Variants in ENDOU observed in about 807,000 individuals in gnomAD.
ENDOU encodes the protein endonuclease, poly(U) specific, also known as uridylate-specific endoribonuclease.
ENDOU carries 49 observed loss-of-function variants against 54.2 expected under a neutral mutation model. The ratio of observed to expected loss-of-function variants is 0.90; its 90% confidence interval spans 0.72 to 1.15. The LOEUF is 1.15. Among genes scored for constraint, ENDOU ranks in the 50% most tolerant of loss-of-function variants. The pLI, the probability that ENDOU is intolerant of heterozygous loss-of-function variation, is 0.00. For missense variants in ENDOU, 458 were observed against 511.4 expected (o/e 0.90, Z 1.01); for synonymous variants, 172 against 190.5 (o/e 0.90, Z 0.80).
chr12:47,721,996 G>A (rs1940448692), intron 1 of ENDOU, among the ~76,000 whole-genome samples: 1 of 152,172 alleles, frequency 6.6e-6, no homozygotes, highest in South Asian at 2.1e-4. Flanking sequence ...GTTAGGATTT[G>A]GGCTTGAGTT....
intron 2 of ENDOU, chr12:47,719,151 G>A (rs1279099150): frequency 6.6e-6 from 1 of 152,106 alleles, no homozygotes; most frequent in Non-Finnish European, 1.5e-5. Context: ...CTATAGGAAA[G>A]GGGTTCTGAG....
chr12:47,724,104 A>C (rs1334726557), intron 1 of ENDOU, among the ~76,000 whole-genome samples: 1 of 152,120 alleles, frequency 6.6e-6, no homozygotes, highest in African/African-American at 2.4e-5. Flanking sequence ...AGCCACTGCT[A>C]CCTCTGCCCC....
intron 1 of ENDOU, among the ~76,000 whole-genome samples, chr12:47,723,527 T>G (rs1940499316): frequency 6.6e-6 from 1 of 152,160 alleles, no homozygotes; most frequent in African/African-American, 2.4e-5. Context: ...ACTCTCTGCC[T>G]TTCTTCATCT....
chr12:47,710,449 C>T lies in ENDOU; in HGVS notation c.*353G>A, dbSNP rs1939944964. ...AAGAGGAAAGTGGGCAAACCCCTTC[C>T]CTTTACATTAAAGGGAAGCATGAGG... On this transcript the variant is annotated 3_prime_UTR_variant, in exon 10 of 10. Coordinates refer to ENST00000422538, the MANE Select transcript of ENDOU (RefSeq NM_001172439.2). 1 of 164,632 alleles carries T rather than the reference C, an allele frequency of 6.1e-6. No homozygotes were observed. Among genetic ancestry groups the T allele is most frequent in the Non-Finnish European group, 1.3e-5 (1 of 76,324 alleles). The allele number at this position is 164,632 out of a possible 1,614,324, so 10.2% of individuals were successfully genotyped here.
At chr12:47,716,639 G>A in intron 5 of ENDOU, 140 bp from the exon 6 acceptor site, 1 of 766,376 alleles carries the variant, frequency 1.3e-6, no homozygotes, top group Non-Finnish European at 2.1e-6. Flanking sequence ...ACTCTTGAAA[G>A]TCACACATCA....
chr12:47,714,511 A>G (rs1257355719), intron 6 of ENDOU, among the ~76,000 whole-genome samples: 1 of 152,240 alleles, frequency 6.6e-6, no homozygotes, highest in Non-Finnish European at 1.5e-5. Flanking sequence ...GAGGAGAGAG[A>G]AGCAGTAGGC....
At chr12:47,717,103 G>A (rs187839786) in intron 4 of ENDOU, 45 bp from the exon 5 acceptor site, 8 of 1,582,624 alleles carry the variant, frequency 5.1e-6, no homozygotes, top group Non-Finnish European at 6.9e-6. Flanking sequence ...CAGAGGGAAA[G>A]GGGGGCGGGC....
intron 3 of ENDOU, 178 bp from the exon 4 acceptor site, chr12:47,717,833 G>T: frequency 3.1e-6 from 2 of 650,700 alleles, no homozygotes; most frequent in East Asian, 2.7e-5. Context: ...CCTTTCTGAT[G>T]CCGAACTTTA....
intron 6 of ENDOU, among the ~76,000 whole-genome samples, chr12:47,713,973 T>C (rs1592503418): frequency 6.6e-6 from 1 of 151,834 alleles, no homozygotes; most frequent in South Asian, 2.1e-4. Context: ...GGAGAGGAGG[T>C]TTGAGAAGCA....
intron 7 of ENDOU, 44 bp from the exon 8 acceptor site, chr12:47,712,666 A>G: frequency 7.4e-7 from 1 of 1,355,654 alleles, no homozygotes; most frequent in South Asian, 1.2e-5. Flanking sequence ...CTCCTTCCCC[A>G]CCCTCCCCTC....
chr12:47,721,276 A>G (rs188598225), intron 1 of ENDOU, among the ~76,000 whole-genome samples: 123 of 152,090 alleles, frequency 8.1e-4, no homozygotes, highest in African/African-American at 2.9e-3. Flanking sequence ...ATGTGTGCTC[A>G]GTGTTGCCAG....
chr12:47,718,992 T>C (rs1379799848), intron 2 of ENDOU, among the ~76,000 whole-genome samples: 1 of 152,220 alleles, frequency 6.6e-6, no homozygotes, highest in Non-Finnish European at 1.5e-5. Flanking sequence ...TATTCTTCAG[T>C]CAACAAACAT....
chr12:47,717,861 T>G, intron 3 of ENDOU: 1 of 611,992 alleles, frequency 1.6e-6, no homozygotes, highest in Non-Finnish European at 2.8e-6. Context: ...GCCTGCTGTT[T>G]TTCTAATCTT....
intron 3 of ENDOU, 178 bp downstream of exon 3, chr12:47,717,951 C>G: frequency 1.6e-6 from 1 of 640,676 alleles, no homozygotes. Context: ...CTCCCATGGC[C>G]CCCCAGGCTG....
rs1424887486 is a variant in ENDOU at position 47,716,922 on chromosome 12, C to G, written c.519G>C (p.Glu173Asp). Residue 173 changes from glutamate (E) to aspartate (D), a missense_variant, in exon 5 of 10, where the codon GAG becomes GAC. Glu to Asp is a conservative substitution (Grantham distance 45). Transcript: ENST00000422538. ...GGCAGCGATCCACTTGGTTTCTGGTCTCTGACGGGGAGATGCAGTTTTGGC... is the reference window on the plus strand; with the variant it reads ...GGCAGCGATCCACTTGGTTTCTGGTGTCTGACGGGGAGATGCAGTTTTGGC... ...LNSQNCISPS[E>D]TRNQVDRCPK... 9 of 1,614,082 alleles carry G rather than the reference C, an allele frequency of 5.6e-6. No homozygotes were observed. The highest frequency in any genetic ancestry group is 7.6e-6 in the Non-Finnish European group (9 of 1,180,042).
chr12:47,718,243 T>G (rs771700364), intron 2 of ENDOU, 49 bp from the exon 3 acceptor site: 1 of 1,495,702 alleles, frequency 6.7e-7, no homozygotes, highest in Non-Finnish European at 9.1e-7. Context: ...AGAATTCCCC[T>G]GCTGCTTGGT....
In ENDOU at chr12:47,718,653, T is replaced by C. The variant is rs540979947; in HGVS notation, c.179-459A>G. 3.3e-5 allele frequency among the ~76,000 whole-genome samples: 5 copies of C among 152,294 alleles called. No individual in the cohort carries two copies. In the South Asian group the frequency reaches 1.0e-3, roughly 32 times the overall value. ...GAGATTCCAACTTCCCTTCTTTCTT[T>C]GCCCCACTTGGAAATGGCCACAAAG... On this transcript the variant is annotated intron_variant, in intron 2 of 9. Coordinates refer to ENST00000422538, the MANE Select transcript of ENDOU (RefSeq NM_001172439.2).
At position 47,717,626 on chromosome 12, in the gene ENDOU, C is replaced by T; in HGVS notation, c.274G>A (p.Gly92Ser). 6.2e-7 allele frequency: 1 copy of T among 1,614,078 alleles called. No individual in the cohort carries two copies. Among genetic ancestry groups the T allele is most frequent in the Non-Finnish European group, 8.5e-7 (1 of 1,180,026 alleles). Reference protein sequence around the residue: ...NLYSAPTSCQGRCYEAFDKHH... With the variant: ...NLYSAPTSCQSRCYEAFDKHH... ...TTGTCAAAGGCTTCGTAGCAGCGGC[C>T]CTGGCAGGAGGTGGGTGCCGAGTAC... Residue 92 changes from glycine (G) to serine (S), a missense_variant, in exon 4 of 10, where the codon GGC becomes AGC. Coordinates refer to ENST00000422538, the MANE Select transcript of ENDOU (RefSeq NM_001172439.2).
intron 1 of ENDOU, among the ~76,000 whole-genome samples, chr12:47,723,196 T>A (rs1443602027): frequency 1.3e-5 from 2 of 152,228 alleles, no homozygotes; most frequent in Non-Finnish European, 2.9e-5. Flanking sequence ...GGCTTTTTCA[T>A]CTCTGCTCAA....
Sources: gnomAD v4.1 joint callset for allele counts (sites outside exome capture counted in the v4.1 genomes callset) on GRCh38, gnomAD v4.1.1 for gene constraint, MANE v1.5 for transcripts, NCBI Gene and HGNC (gene_info 2026-07-23, HGNC 2026-07-21) for gene names.